TMEM140: variants seen among roughly 807,000 people sequenced by gnomAD.
TMEM140 encodes the protein transmembrane protein 140.
For missense variants in TMEM140, 236 were observed against 228.5 expected (o/e 1.03, Z -0.21); for synonymous variants, 107 against 106.8 (o/e 1.00, Z -0.01).
intron 1 of TMEM140, among the ~76,000 whole-genome samples, chr7:135,154,305 T>C (rs1469272730): frequency 1.3e-5 from 2 of 152,202 alleles, no homozygotes; most frequent in Non-Finnish European, 2.9e-5. Context: ...CAAGAACTAA[T>C]ATATGAACTT....
intron 1 of TMEM140, among the ~76,000 whole-genome samples, chr7:135,157,004 C>G (rs1829811969): frequency 6.6e-6 from 1 of 152,208 alleles, no homozygotes; most frequent in Non-Finnish European, 1.5e-5. Flanking sequence ...AAGTGTGTTT[C>G]ACCTCCTGCC....
At chr7:135,148,376 G>A (rs1829592482) in intron 1 of TMEM140, 106 bp downstream of exon 1, 2 of 323,106 alleles carry the variant, frequency 6.2e-6, no homozygotes, top group Admixed American at 4.6e-5. Context: ...ATCCACATAG[G>A]GGAACTCACT....
chr7:135,148,304 C>G (rs3735002), intron 1 of TMEM140, 34 bp downstream of exon 1: 179,042 of 348,322 alleles, frequency 0.51, 47,492 homozygotes, highest in South Asian at 0.65. Context: ...CACAGCTTAC[C>G]CAGACGTCTA....
chr7:135,157,929 G>A (rs1829835245), intron 1 of TMEM140, among the ~76,000 whole-genome samples: 1 of 152,180 alleles, frequency 6.6e-6, no homozygotes, highest in African/African-American at 2.4e-5. Flanking sequence ...AGAAGGTGGG[G>A]CCCCTATCAG....
At position 135,165,097 on chromosome 7, in the gene TMEM140, C is replaced by T; in HGVS notation, c.*98C>T. 7.1e-7 allele frequency: 1 copy of T among 1,414,108 alleles called. No individual in the cohort carries two copies. Among genetic ancestry groups the T allele is most frequent in the Non-Finnish European group, 9.5e-7 (1 of 1,054,436 alleles). The allele number at this position is 1,414,108 out of a possible 1,614,324, so 87.6% of individuals were successfully genotyped here. On this transcript the variant is annotated 3_prime_UTR_variant, in exon 2 of 2. Coordinates refer to ENST00000275767, the MANE Select transcript of TMEM140 (RefSeq NM_018295.5). ...TACAGCTAACGCTGATCTCCAGCTC[C>T]AGCGATGGAACCCACTACAGAGGAG...
chr7:135,160,735 T>A (rs75669524), intron 1 of TMEM140, among the ~76,000 whole-genome samples: 14 of 145,330 alleles, frequency 9.6e-5, no homozygotes, highest in East Asian at 2.0e-4. Flanking sequence ...TTCGCTCATT[T>A]AAAAAAAAAA....
intron 1 of TMEM140, among the ~76,000 whole-genome samples, chr7:135,154,508 CTT>C (rs1275457335): frequency 6.6e-6 from 1 of 152,190 alleles, no homozygotes; most frequent in African/African-American, 2.4e-5. Context: ...AAACTTCCCT[CTT>C]AGCACTTCTT....
intron 1 of TMEM140, among the ~76,000 whole-genome samples, chr7:135,159,903 G>C (rs1235562155): frequency 2.0e-5 from 3 of 152,158 alleles, no homozygotes; most frequent in Non-Finnish European, 4.4e-5. Flanking sequence ...GGGGAGGATG[G>C]GATGAGACAG....
chr7:135,148,826 C>T (rs3800595), intron 1 of TMEM140, among the ~76,000 whole-genome samples: 73,784 of 152,016 alleles, frequency 0.49, 18,268 homozygotes, highest in South Asian at 0.66. Flanking sequence ...CCAGATTGCT[C>T]CTCATGCCCC....
In TMEM140 at chr7:135,164,928, C is replaced by A. The variant is rs1830053756; in HGVS notation, c.487C>A (p.Leu163Ile). 1 of 1,613,920 alleles carries A rather than the reference C, an allele frequency of 6.2e-7. No homozygotes were observed. Among genetic ancestry groups the A allele is most frequent in the Admixed American group, 1.7e-5 (1 of 59,994 alleles). Residue 163 changes from leucine (L) to isoleucine (I), a missense_variant, in exon 2 of 2, where the codon CTC becomes ATC. By Grantham distance (5) the Leu-to-Ile change is conservative. Coordinates refer to ENST00000275767, the MANE Select transcript of TMEM140 (RefSeq NM_018295.5). Reference sequence around the variant, plus strand: ...GGGCAGCGCCCAGGCCTTACTCATCCTCTTGCTTATAGCCATGGCTGTGTT... The same window carrying A: ...GGGCAGCGCCCAGGCCTTACTCATCATCTTGCTTATAGCCATGGCTGTGTT... ...ALGSAQALLI[L>I]LLIAMAVFPL...
chr7:135,159,778 C>A (rs1248119935), intron 1 of TMEM140, among the ~76,000 whole-genome samples: 1 of 152,152 alleles, frequency 6.6e-6, no homozygotes, highest in Admixed American at 6.5e-5. Flanking sequence ...AGAAGAAATA[C>A]AGATGGTCAA....
chr7:135,156,776 G>A (rs893783497), intron 1 of TMEM140, among the ~76,000 whole-genome samples: 12 of 152,040 alleles, frequency 7.9e-5, no homozygotes, highest in East Asian at 5.8e-4. Context: ...TGATTGTTAC[G>A]GTTTGACTGT....
In TMEM140 at chr7:135,154,769, A is replaced by AT. The variant is rs556428378; in HGVS notation, c.-25+6500dup. Reference sequence around the variant, plus strand: ...GTTAAAACTTCTTTTGTGGCCTTACATGTGATCTATCTTGGAGAATGTTCC... The same window carrying AT: ...GTTAAAACTTCTTTTGTGGCCTTACATTGTGATCTATCTTGGAGAATGTTCC... On this transcript the variant is annotated intron_variant, in intron 1 of 1. Transcript: ENST00000275767. Among the ~76,000 whole-genome samples the AT allele has an allele frequency of 1.3e-3, 200 of 152,332 alleles. 3 individuals carry two copies. Among genetic ancestry groups the AT allele is most frequent in the African/African-American group, 4.7e-3 (195 of 41,586 alleles).
At chr7:135,162,215 C>G (rs553291094) in intron 1 of TMEM140, among the ~76,000 whole-genome samples, 110 of 152,328 alleles carry the variant, frequency 7.2e-4, no homozygotes, top group South Asian at 1.4e-3. Flanking sequence ...GCTGTTCCCC[C>G]AGAGGGGTCC....
rs779764109 is a variant in TMEM140 at position 135,164,587 on chromosome 7, T to G, written c.146T>G (p.Phe49Cys). The stretch of plus-strand genomic sequence containing the variant: ...GACCTGCCCAACCTGAGAATCGGCT[T>G]CTATAACTTCTGCCTGTGGAATGAG... ...LTDLPNLRIGFYNFCLWNEDT... is the reference protein window; with the variant it reads ...LTDLPNLRIGCYNFCLWNEDT... Residue 49 changes from phenylalanine to cysteine, a missense_variant, in exon 2 of 2, where the codon TTC (phenylalanine) becomes TGC (cysteine). Coordinates refer to ENST00000275767, the MANE Select transcript of TMEM140 (RefSeq NM_018295.5). 4.3e-6 allele frequency: 7 copies of G among 1,614,208 alleles called. No homozygotes were observed. The South Asian group carries it at 5.5e-5, about 13-fold the overall frequency.
intron 1 of TMEM140, among the ~76,000 whole-genome samples, chr7:135,149,636 C>T (rs189417638): frequency 6.6e-6 from 1 of 152,300 alleles, no homozygotes; most frequent in East Asian, 1.9e-4. Context: ...TGTTCACATC[C>T]ACCATCATTG....
At chr7:135,163,634 G>A (rs1050849402) in intron 1 of TMEM140, among the ~76,000 whole-genome samples, 2 of 152,152 alleles carry the variant, frequency 1.3e-5, no homozygotes, top group African/African-American at 2.4e-5. Flanking sequence ...GACAGAGTGA[G>A]GCTCCATCTC....
intron 1 of TMEM140, among the ~76,000 whole-genome samples, chr7:135,149,665 AC>A (rs1829623427): frequency 6.6e-6 from 1 of 152,214 alleles, no homozygotes; most frequent in African/African-American, 2.4e-5. Context: ...TGCCAGTTTA[AC>A]CATATTTTTG....
At chr7:135,157,481 T>A (rs1034731538) in intron 1 of TMEM140, among the ~76,000 whole-genome samples, 1 of 152,214 alleles carries the variant, frequency 6.6e-6, no homozygotes, top group Non-Finnish European at 1.5e-5. Context: ...TGTGCCCTTT[T>A]TAGGCCCCAC....
Sources: allele counts gnomAD v4.1 joint callset (sites outside exome capture counted in the v4.1 genomes callset), GRCh38; gene constraint gnomAD v4.1.1; transcripts MANE v1.5; gene names NCBI Gene and HGNC (gene_info 2026-07-23, HGNC 2026-07-21).